Variants in RAB31 observed in about 807,000 individuals in gnomAD.
RAB31 encodes the protein RAB31, member RAS oncogene family, also known as ras-related protein Rab-31.
A neutral mutation model predicts 25.6 loss-of-function variants in RAB31; 21 were observed. The ratio of observed to expected loss-of-function variants is 0.82; its 90% CI spans 0.58 to 1.18. The LOEUF is 1.18. Ranked by LOEUF, RAB31 falls within the 50% of genes most tolerant of loss-of-function variation. RAB31 has a pLI of 0.00. For synonymous variants in RAB31, 87 were observed against 84.0 expected (o/e 1.04, Z -0.20); for missense variants, 196 against 250.1 (o/e 0.78, Z 1.46).
chr18:9,794,337 AC>A (rs2143034765), intron 3 of RAB31, among the ~76,000 whole-genome samples: 1 of 152,356 alleles, frequency 6.6e-6, no homozygotes, highest in Non-Finnish European at 1.5e-5. Context: ...CCCTTTTAAA[AC>A]AAAAGTTCCC....
chr18:9,840,164 G>C (rs1352678460), intron 5 of RAB31, among the ~76,000 whole-genome samples: 1 of 152,314 alleles, frequency 6.6e-6, no homozygotes, highest in South Asian at 2.1e-4. Flanking sequence ...AGGGGACAGG[G>C]CTGGCCTGGG....
Position 9,845,586 on chromosome 18 carries a change from G to T in RAB31, c.385G>T (p.Val129Phe). Reference protein sequence around the residue: ...NKCDLSDIREVPLKDAKEYAE... With the variant: ...NKCDLSDIREFPLKDAKEYAE... ...TACATTTGACCTCTTTTCCAGGGAGGTTCCCCTGAAGGATGCTAAGGAATA... is the reference window on the plus strand; with the variant it reads ...TACATTTGACCTCTTTTCCAGGGAGTTTCCCCTGAAGGATGCTAAGGAATA... The change falls in exon 6 of 7, where the codon GTT becomes TTT. Residue 129 changes from valine to phenylalanine, a missense_variant. Transcript: ENST00000578921. 2.0e-6 allele frequency: 3 copies of T among 1,535,880 alleles called. No homozygotes were observed. The South Asian group carries it at 3.8e-5, about 19-fold the overall frequency.
At chr18:9,834,454 C>T (rs2068694445) in intron 5 of RAB31, among the ~76,000 whole-genome samples, 1 of 152,106 alleles carries the variant, frequency 6.6e-6, no homozygotes, top group Non-Finnish European at 1.5e-5. Context: ...ACCTGAACAG[C>T]AGGTGGTAGG....
At chr18:9,770,788 CTT>C (rs1193145412) in intron 1 of RAB31, among the ~76,000 whole-genome samples, 1 of 151,566 alleles carries the variant, frequency 6.6e-6, no homozygotes, top group Non-Finnish European at 1.5e-5. Flanking sequence ...CTATGAGTAA[CTT>C]GAGCTATGCA....
intron 5 of RAB31, among the ~76,000 whole-genome samples, chr18:9,844,380 G>A: frequency 6.6e-6 from 1 of 152,180 alleles, no homozygotes; most frequent in Non-Finnish European, 1.5e-5. Context: ...CTGTCTCTGG[G>A]CCTCTGCTCA....
intron 1 of RAB31, among the ~76,000 whole-genome samples, chr18:9,748,546 A>G (rs187552587): frequency 6.3e-4 from 95 of 151,836 alleles, no homozygotes; most frequent in Non-Finnish European, 8.2e-4. Context: ...AGCCTAAAGA[A>G]CGTAAAATTT....
intron 1 of RAB31, among the ~76,000 whole-genome samples, chr18:9,730,771 C>T (rs181558754): frequency 1.3e-5 from 2 of 152,308 alleles, no homozygotes; most frequent in Admixed American, 1.3e-4. Flanking sequence ...GTGAGATGCC[C>T]AGTGAGATGG....
chr18:9,745,446 G>A (rs1349200576), intron 1 of RAB31, among the ~76,000 whole-genome samples: 1 of 152,116 alleles, frequency 6.6e-6, no homozygotes, highest in African/African-American at 2.4e-5. Context: ...TATTTTATGA[G>A]GCCAGCATTA....
intron 1 of RAB31, among the ~76,000 whole-genome samples, chr18:9,752,915 G>A (rs745577737): frequency 2.0e-5 from 3 of 152,114 alleles, no homozygotes; most frequent in Non-Finnish European, 4.4e-5. Flanking sequence ...ATCATATCTT[G>A]ATAAACACAT....
intron 2 of RAB31, among the ~76,000 whole-genome samples, chr18:9,785,399 A>G (rs140850165): frequency 6.6e-6 from 1 of 152,220 alleles, no homozygotes; most frequent in East Asian, 1.9e-4. Context: ...TCAAACAGAA[A>G]CACATGCAAA....
rs9748907 is a variant in RAB31 at position 9,729,473 on chromosome 18, G to T, written c.39+21029G>T. On this transcript the variant is annotated intron_variant, in intron 1 of 6. Coordinates refer to ENST00000578921, the MANE Select transcript of RAB31 (RefSeq NM_006868.4). ...ACCAGGGAGGGGGAGCTTGCAGTGA[G>T]CCAAGATCACGCCAGTGCACTCCAG... Among the ~76,000 whole-genome samples the T allele has an allele frequency of 6.4e-3, 975 of 151,336 alleles. 14 individuals are homozygous for T. The highest frequency in any genetic ancestry group is 0.022 in the African/African-American group (909 of 41,088).
At chr18:9,828,159 G>A (rs562030948) in intron 5 of RAB31, among the ~76,000 whole-genome samples, 304 of 152,278 alleles carry the variant, frequency 2.0e-3, no homozygotes, top group African/African-American at 6.4e-3. Context: ...GGGAGGGGCC[G>A]TCAAGAATAT....
chr18:9,798,529 C>T (rs2068497515), intron 3 of RAB31, among the ~76,000 whole-genome samples: 1 of 152,002 alleles, frequency 6.6e-6, no homozygotes, highest in East Asian at 1.9e-4. Flanking sequence ...TGTTATTGTT[C>T]TTTTAGTTTT....
At chr18:9,713,342 G>A (rs2068027482) in intron 1 of RAB31, among the ~76,000 whole-genome samples, 1 of 152,158 alleles carries the variant, frequency 6.6e-6, no homozygotes, top group Non-Finnish European at 1.5e-5. Flanking sequence ...GCTAGCCACA[G>A]CATTTATTTC....
intron 1 of RAB31, among the ~76,000 whole-genome samples, chr18:9,710,717 C>T (rs991821105): frequency 1.3e-5 from 2 of 151,966 alleles, no homozygotes; most frequent in Non-Finnish European, 2.9e-5. Context: ...GTTAGCTGGG[C>T]GGTAGCGGCG....
At chr18:9,759,717 A>C (rs12970907) in intron 1 of RAB31, among the ~76,000 whole-genome samples, 28,228 of 152,018 alleles carry the variant, frequency 0.19, 2,786 homozygotes, top group African/African-American at 0.2. Flanking sequence ...GGGCAAGGCT[A>C]TCCCGAGACC....
At chr18:9,793,004 C>T (rs1316112562) in intron 3 of RAB31, among the ~76,000 whole-genome samples, 1 of 152,150 alleles carries the variant, frequency 6.6e-6, no homozygotes, top group Non-Finnish European at 1.5e-5. Context: ...AAGGTCATGC[C>T]TTTAGATTCA....
chr18:9,799,558 A>G (rs982742962), intron 3 of RAB31, among the ~76,000 whole-genome samples: 2 of 152,098 alleles, frequency 1.3e-5, no homozygotes, highest in African/African-American at 4.8e-5. Flanking sequence ...GTGCCATGGC[A>G]TGATCATAGC....
chr18:9,815,213 C>T lies in RAB31; in HGVS notation c.371C>T (p.Ser124Leu). 6.5e-7 allele frequency: 1 copy of T among 1,542,908 alleles called. No individual in the cohort carries two copies. Among genetic ancestry groups the T allele is most frequent in the Non-Finnish European group, 8.8e-7 (1 of 1,137,516 alleles). ...MAIAGNKCDL[S>L]DIREVPLKDA... Reference sequence around the variant, plus strand: ...ATCGCTGGAAACAAGTGCGACCTCTCAGATATTAGGTAAGATGCATTGAAA... The same window carrying T: ...ATCGCTGGAAACAAGTGCGACCTCTTAGATATTAGGTAAGATGCATTGAAA... The change falls in exon 5 of 7, where the codon TCA (serine) becomes TTA (leucine). Residue 124 changes from serine to leucine, a missense_variant. By Grantham distance (145) the Ser-to-Leu change is moderately radical. Coordinates refer to ENST00000578921, the MANE Select transcript of RAB31 (RefSeq NM_006868.4).
Sources: gnomAD v4.1 joint callset for allele counts (sites outside exome capture counted in the v4.1 genomes callset) on GRCh38, gnomAD v4.1.1 for gene constraint, MANE v1.5 for transcripts, NCBI Gene and HGNC (gene_info 2026-07-23, HGNC 2026-07-21) for gene names.